The following TRIM72 variants were observed in gnomAD, a reference collection of about 807,000 sequenced individuals.
TRIM72 encodes tripartite motif containing 72.
Under a neutral mutation model 31.6 loss-of-function variants are expected in TRIM72, and 33 were observed. The ratio of observed to expected loss-of-function variants is 1.04; its 90% CI spans 0.79 to 1.40. TRIM72 has a LOEUF of 1.40. TRIM72 is among the 40% of genes most tolerant of loss of function. TRIM72 has a pLI of 0.00. For synonymous variants in TRIM72, 301 were observed against 314.4 expected (o/e 0.96, Z 0.45); for missense variants, 666 against 682.7 (o/e 0.98, Z 0.27).
At position 31,219,191 on chromosome 16, in the gene TRIM72, G is replaced by A. The variant is rs753594254; in HGVS notation, c.486+1G>A. 1 of 1,613,434 alleles carries A rather than the reference G, an allele frequency of 6.2e-7. No individual in the cohort carries two copies. Among genetic ancestry groups the A allele is most frequent in the South Asian group, 1.1e-5 (1 of 90,982 alleles). ...GGAGCATCAGCTGGTGGAGGTGGAG[G>A]TGAGGACTTCACAGGGCCATGTCTG... is the stretch of plus-strand genomic sequence containing the variant. On this transcript the variant is annotated splice_donor_variant, in intron 3 of 6. Transcript: ENST00000322122. LOFTEE classifies it high-confidence loss of function. The surrounding 1 kb of genome is among the most constrained non-coding windows in gnomAD (Gnocchi z 4.2).
At position 31,214,697 on chromosome 16, in the gene TRIM72, G is replaced by A. The variant is rs757140982; in HGVS notation, c.-7-35G>A. ...AGGGCTGGGCCGGGAGCGCGGCGCC[G>A]CGGGGTCCCCCTAACCTACTCCTCC... On this transcript the variant is annotated intron_variant, in intron 1 of 6. Transcript: ENST00000322122. The A allele has an allele frequency of 4.0e-6, 6 of 1,493,944 alleles. No individual in the cohort carries two copies. In the South Asian group the frequency reaches 7.8e-5, roughly 19 times the overall value. 92.5% of individuals were successfully genotyped at this position (1,493,944 alleles called of 1,614,324 possible). A position where few individuals can be genotyped will look rare whatever the true frequency, so the allele number is the denominator to read the frequency against.
chr16:31,223,670 G>A lies in TRIM72; in HGVS notation c.860-511G>A, dbSNP rs141450121. Among the ~76,000 whole-genome samples, 573 of 152,230 alleles carry A rather than the reference G, an allele frequency of 3.8e-3. 2 individuals carry two copies. The highest frequency in any genetic ancestry group is 7.1e-3 in the African/African-American group (293 of 41,544). On this transcript the variant is annotated intron_variant, in intron 6 of 6. Transcript: ENST00000322122. ...TGTAATCCCAGAACTTTGGGAGGCC[G>A]AGGTGGGAGGATCACTTGAGCCCAG...
In TRIM72 at chr16:31,216,916, C is replaced by A; in HGVS notation, c.390+1788C>A. ...CTGCCCGAGCGCGCCCCGCGGGATG[C>A]GCTCAAAGCCCTCGCGCAGCGGCAC... On this transcript the variant is annotated intron_variant, in intron 2 of 6. Transcript: ENST00000322122. This position sits in a 1 kb window ranked among gnomAD's most constrained non-coding sequence, Gnocchi z 6.7. 6.2e-7 allele frequency: 1 copy of A among 1,614,132 alleles called. No homozygotes were observed. The highest frequency in any genetic ancestry group is 8.5e-7 in the Non-Finnish European group (1 of 1,180,038).
rs1311932071 is a variant in TRIM72, at chr16:31,215,111, G to A, written c.373G>A (p.Ala125Thr). The A allele has an allele frequency of 6.9e-7, 1 of 1,444,820 alleles. No individual in the cohort carries two copies. Among genetic ancestry groups the A allele is most frequent in the Middle Eastern group, 2.6e-4 (1 of 3,844 alleles). 89.5% of individuals were successfully genotyped at this position (1,444,820 alleles called of 1,614,324 possible). A position where few individuals can be genotyped will look rare whatever the true frequency, so the allele number is the denominator to read the frequency against. ...TCATCGCCTCCTGCCTGCCGCCGAGGCCCACGCACGCCTCAAGGTGCGGGA... is the reference window on the plus strand; with the variant it reads ...TCATCGCCTCCTGCCTGCCGCCGAGACCCACGCACGCCTCAAGGTGCGGGA... ...RGHRLLPAAE[A>T]HARLKTQLPQ... The change falls in exon 2 of 7, where the codon GCC (alanine) becomes ACC (threonine). Residue 125 changes from alanine to threonine, a missense_variant. Transcript: ENST00000322122. The surrounding 1 kb of genome is among the most constrained non-coding windows in gnomAD (Gnocchi z 6.3).
chr16:31,219,613 G>A lies in TRIM72; in HGVS notation c.717+94G>A, dbSNP rs2079525186. On this transcript the variant is annotated intron_variant, in intron 4 of 6. Transcript: ENST00000322122. The surrounding 1 kb of genome is among the most constrained non-coding windows in gnomAD (Gnocchi z 4.2). ...TCAGATAGGCCCAGAGAGGGGCAGGGATAAGCCAGCAGCACACAGCCGGGA... is the reference window on the plus strand; with the variant it reads ...TCAGATAGGCCCAGAGAGGGGCAGGAATAAGCCAGCAGCACACAGCCGGGA... 8.2e-7 allele frequency: 1 copy of A among 1,216,246 alleles called. No homozygotes were observed. The highest frequency in any genetic ancestry group is 1.2e-6 in the Non-Finnish European group (1 of 861,934). 75.3% of individuals were successfully genotyped at this position (1,216,246 alleles called of 1,614,324 possible).
chr16:31,227,438 AG>A lies in TRIM72; in HGVS notation c.*2684del, dbSNP rs2079558168. 1 of 152,412 alleles carries A rather than the reference AG, an allele frequency of 6.6e-6. No homozygotes were observed. The allele number at this position is 152,412 out of a possible 1,614,324, so 9.4% of individuals were successfully genotyped here. On this transcript the variant is annotated 3_prime_UTR_variant, in exon 7 of 7. Coordinates refer to ENST00000322122, the MANE Select transcript of TRIM72 (RefSeq NM_001008274.4). The stretch of plus-strand genomic sequence containing the variant: ...CGCTCTGTCGCCCAGGCTGGAGTGC[AG>A]TGGTGTGATCACCGTAACCTCCGCC...
Position 31,216,083 on chromosome 16 carries a change from T to G in TRIM72, c.390+955T>G, listed in dbSNP as rs1038235768. ...GTCCCCGAGGTGGAGACACTGCTGT[T>G]GTCTTACGCGACTGGTGCGCGCGTG... On this transcript the variant is annotated intron_variant, in intron 2 of 6. Transcript: ENST00000322122. This position sits in a 1 kb window ranked among gnomAD's most constrained non-coding sequence, Gnocchi z 6.7. 2.0e-5 allele frequency: 3 copies of G among 152,330 alleles called. No homozygotes were observed. Among genetic ancestry groups the G allele is most frequent in the Non-Finnish European group, 4.4e-5 (3 of 68,128 alleles). The allele number at this position is 152,330 out of a possible 1,614,324, so 9.4% of individuals were successfully genotyped here.
chr16:31,214,889 G>C lies in TRIM72; in HGVS notation c.151G>C (p.Val51Leu). 1 of 1,525,612 alleles carries C rather than the reference G, an allele frequency of 6.6e-7. No individual in the cohort carries two copies. The highest frequency in any genetic ancestry group is 8.7e-7 in the Non-Finnish European group (1 of 1,144,056). 94.5% of individuals were successfully genotyped at this position (1,525,612 alleles called of 1,614,324 possible). Residue 51 changes from valine to leucine, a missense_variant, in exon 2 of 7, where the codon GTT becomes CTT. By Grantham distance (32) the Val-to-Leu change is conservative (BLOSUM62 1). Transcript: ENST00000322122. ...VAGEPAADGTVLCPCCQAPTR... is the reference protein window; with the variant it reads ...VAGEPAADGTLLCPCCQAPTR... Reference sequence around the variant, plus strand: ...CGGGGAGCCGGCGGCGGATGGCACCGTTCTCTGCCCCTGCTGCCAGGCCCC... The same window carrying C: ...CGGGGAGCCGGCGGCGGATGGCACCCTTCTCTGCCCCTGCTGCCAGGCCCC...
In TRIM72 at chr16:31,219,308, G is replaced by T. The variant is rs1191595581; in HGVS notation, c.506G>T (p.Arg169Leu). ...CTGCAGGAGACAGTGCGTCAGTTCC[G>T]GGGGGCCGTGGGGGAGCAGCTGGGC... ...VEVEETVRQF[R>L]GAVGEQLGKM... Residue 169 changes from arginine (R) to leucine (L), a missense_variant, in exon 4 of 7, where the codon CGG becomes CTG. Transcript: ENST00000322122. This position sits in a 1 kb window ranked among gnomAD's most constrained non-coding sequence, Gnocchi z 4.2. 4 of 1,613,998 alleles carry T rather than the reference G, an allele frequency of 2.5e-6. No homozygotes were observed. The highest frequency in any genetic ancestry group is 1.7e-5 in the Admixed American group (1 of 59,992).
chr16:31,219,103 G>A lies in TRIM72; in HGVS notation c.399G>A (p.Leu133=). Residue 133 remains leucine, a synonymous_variant, in exon 3 of 7, where the codon CTG becomes CTA. Transcript: ENST00000322122. The surrounding 1 kb of genome is among the most constrained non-coding windows in gnomAD (Gnocchi z 4.2). ...CATGCCTCGACCCCCAGACACAGCT[G>A]CCACAGCAGAAACTGCAGCTGCAGG... ...AEAHARLKTQ[L]PQQKLQLQEA... 1.3e-6 allele frequency: 2 copies of A among 1,573,884 alleles called. No individual in the cohort carries two copies. The highest frequency in any genetic ancestry group is 1.7e-6 in the Non-Finnish European group (2 of 1,159,054).
At position 31,224,184 on chromosome 16, in the gene TRIM72, T is replaced by G; in HGVS notation, c.863T>G (p.Leu288Arg). 2 of 1,602,288 alleles carry G rather than the reference T, an allele frequency of 1.2e-6. No homozygotes were observed. The highest frequency in any genetic ancestry group is 2.2e-5 in the East Asian group (1 of 44,854). The part of the protein sequence containing the change: ...RKMFRALMPA[L>R]EELTFDPSSA... Reference sequence around the variant, plus strand: ...CTGACCGTGTTCTCTCTGGCAGCGCTGGAGGAGCTGACCTTTGACCCGAGC... The same window carrying G: ...CTGACCGTGTTCTCTCTGGCAGCGCGGGAGGAGCTGACCTTTGACCCGAGC... Residue 288 changes from leucine to arginine, a missense_variant, in exon 7 of 7, where the codon CTG becomes CGG. Transcript: ENST00000322122.
At position 31,225,643 on chromosome 16, in the gene TRIM72, C is replaced by CTTTTTTTTTTTTTTTTTTTTT. The variant is rs1160718865; in HGVS notation, c.*894_*914dup. 1.2e-5 allele frequency: 1 copy of CTTTTTTTTTTTTTTTTTTTTT among 81,092 alleles called. No individual in the cohort carries two copies. The highest frequency in any genetic ancestry group is 2.5e-5 in the Non-Finnish European group (1 of 40,644). The allele number at this position is 81,092 out of a possible 1,614,324, so 5.0% of individuals were successfully genotyped here. A position where few individuals can be genotyped will look rare whatever the true frequency, so the allele number is the denominator to read the frequency against. ...AAATGCTCATTTCTTTTTTTTATTT[C>CTTTTTTTTTTTTTTTTTTTTT]TTTTTTTTTTTTTTTTTTTTTTTTT... On this transcript the variant is annotated 3_prime_UTR_variant, in exon 7 of 7. Transcript: ENST00000322122.
At position 31,225,853 on chromosome 16, in the gene TRIM72, T is replaced by C. The variant is rs2079553793; in HGVS notation, c.*1098T>C. The C allele has an allele frequency of 6.6e-6, 1 of 151,912 alleles. No individual in the cohort carries two copies. Among genetic ancestry groups the C allele is most frequent in the African/African-American group, 2.4e-5 (1 of 41,372 alleles). The allele number at this position is 151,912 out of a possible 1,614,324, so 9.4% of individuals were successfully genotyped here. A position where few individuals can be genotyped will look rare whatever the true frequency, so the allele number is the denominator to read the frequency against. ...ATTTTTAGTAGGGGTTTCACTATGTTGGCCAAGCTGGTCTCGAACTCCTGA... is the reference window on the plus strand; with the variant it reads ...ATTTTTAGTAGGGGTTTCACTATGTCGGCCAAGCTGGTCTCGAACTCCTGA... On this transcript the variant is annotated 3_prime_UTR_variant, in exon 7 of 7. Transcript: ENST00000322122.
rs556098847 is a variant in TRIM72, at chr16:31,226,571, G to A, written c.*1816G>A. On this transcript the variant is annotated 3_prime_UTR_variant, in exon 7 of 7. Transcript: ENST00000322122. Reference sequence around the variant, plus strand: ...CTTGAACGTTGAGGAAGCCAGCCAAGAGAAAGAGCCTGATGCCAAGGTCAC... The same window carrying A: ...CTTGAACGTTGAGGAAGCCAGCCAAAAGAAAGAGCCTGATGCCAAGGTCAC... 64 of 152,396 alleles carry A rather than the reference G, an allele frequency of 4.2e-4. No individual in the cohort carries two copies. Among genetic ancestry groups the A allele is most frequent in the African/African-American group, 1.4e-3 (59 of 41,588 alleles). 9.4% of individuals were successfully genotyped at this position (152,396 alleles called of 1,614,324 possible).
chr16:31,224,339 C>T lies in TRIM72; in HGVS notation c.1018C>T (p.Leu340Phe). 2 of 1,590,112 alleles carry T rather than the reference C, an allele frequency of 1.3e-6. No individual in the cohort carries two copies. Among genetic ancestry groups the T allele is most frequent in the Non-Finnish European group, 1.7e-6 (2 of 1,171,456 alleles). Residue 340 changes from leucine (L) to phenylalanine (F), a missense_variant, in exon 7 of 7, where the codon CTC becomes TTC. Coordinates refer to ENST00000322122, the MANE Select transcript of TRIM72 (RefSeq NM_001008274.4). ...GGTGGCGGTGGTGGCGCACCAGCAG[C>T]TCTCCGAGGGCGAGCACTACTGGGA... Reference protein sequence around the residue: ...KAVAVVAHQQLSEGEHYWEVD... With the variant: ...KAVAVVAHQQFSEGEHYWEVD...
chr16:31,222,482 C>CTTTTTTTTT (rs3060409), intron 5 of TRIM72, among the ~76,000 whole-genome samples: 5 of 117,970 alleles, frequency 4.2e-5, no homozygotes, highest in Admixed American at 1.0e-4. Flanking sequence ...TCTTCTTCTT[C>CTTTTTTTTT]TTTTTTTTTT....
Position 31,224,192 on chromosome 16 carries a change from C to G in TRIM72, c.871C>G (p.Leu291Val), listed in dbSNP as rs2079545219. 1 of 1,602,902 alleles carries G rather than the reference C, an allele frequency of 6.2e-7. No homozygotes were observed. Among genetic ancestry groups the G allele is most frequent in the Non-Finnish European group, 8.5e-7 (1 of 1,179,818 alleles). ...GTTCTCTCTGGCAGCGCTGGAGGAG[C>G]TGACCTTTGACCCGAGCTCTGCGCA... is the stretch of plus-strand genomic sequence containing the variant. ...FRALMPALEE[L>V]TFDPSSAHPS... Residue 291 changes from leucine to valine, a missense_variant, in exon 7 of 7, where the codon CTG becomes GTG. Leu to Val is a conservative substitution (Grantham distance 32). Coordinates refer to ENST00000322122, the MANE Select transcript of TRIM72 (RefSeq NM_001008274.4).
chr16:31,224,552 A>G lies in TRIM72; in HGVS notation c.1231A>G (p.Thr411Ala), dbSNP rs1326178389. The G allele has an allele frequency of 1.3e-6, 2 of 1,535,754 alleles. No individual in the cohort carries two copies. The highest frequency in any genetic ancestry group is 1.7e-6 in the Non-Finnish European group (2 of 1,145,474). Residue 411 changes from threonine (T) to alanine (A), a missense_variant, in exon 7 of 7, where the codon ACG (threonine) becomes GCG (alanine). Physicochemically the swap from Thr to Ala is moderately conservative, Grantham distance 58. Coordinates refer to ENST00000322122, the MANE Select transcript of TRIM72 (RefSeq NM_001008274.4). ...TCTGCGCAGCCCCGAGAGGCGGCCC[A>G]CGCGCATTGGCCTTTACCTGAGCTT... ...RALRSPERRP[T>A]RIGLYLSFGD...
Position 31,215,233 on chromosome 16 carries a change from C to A in TRIM72, c.390+105C>A, listed in dbSNP as rs542324034. The A allele has an allele frequency of 1.6e-6, 2 of 1,245,596 alleles. No homozygotes were observed. The highest frequency in any genetic ancestry group is 1.6e-5 in the African/African-American group (1 of 63,514). 77.2% of individuals were successfully genotyped at this position (1,245,596 alleles called of 1,614,324 possible). On this transcript the variant is annotated intron_variant, in intron 2 of 6. Transcript: ENST00000322122. This position sits in a 1 kb window ranked among gnomAD's most constrained non-coding sequence, Gnocchi z 6.3. ...GATTCTGAGTCTCTAGAGAGGCTCA[C>A]GAGCTCCTGGAGTTGCGGGGGGCGG...
Sources: gnomAD v4.1 joint callset for allele counts (sites outside exome capture counted in the v4.1 genomes callset) on GRCh38, gnomAD v4.1.1 for gene constraint, Gnocchi (gnomAD v3.1) non-coding constraint, MANE v1.5 for transcripts, NCBI Gene and HGNC (gene_info 2026-07-23, HGNC 2026-07-21) for gene names.